The following PDE12 variants were observed in gnomAD, a reference collection of about 807,000 sequenced individuals.
The protein encoded by PDE12 is phosphodiesterase 12.
In PDE12, 26 loss-of-function variants were observed where a neutral mutation model predicts 45.4. The ratio of observed to expected loss-of-function variants is 0.57; its 90% CI spans 0.42 to 0.79. The LOEUF (loss-of-function observed/expected upper bound fraction) is 0.79. Among genes scored for constraint, PDE12 ranks in the 30% least tolerant of loss-of-function variants. PDE12 has a pLI of 0.00. For synonymous variants in PDE12, 283 were observed against 323.9 expected (o/e 0.87, Z 1.36); for missense variants, 668 against 790.0 (o/e 0.85, Z 1.85).
chr3:57,644,348 AG>A, the PDE12 span, among the ~76,000 whole-genome samples: 1 of 151,932 alleles, frequency 6.6e-6, no homozygotes, highest in Non-Finnish European at 1.5e-5. Context: ...TCTGTTCCCC[AG>A]GGCTGGAGTC....
the PDE12 span, chr3:57,597,652 T>G: frequency 6.5e-6 from 1 of 154,594 alleles, no homozygotes; most frequent in Non-Finnish European, 1.4e-5. Flanking sequence ...GCTTCGTCAC[T>G]GCCAAATCAG....
the PDE12 span, among the ~76,000 whole-genome samples, chr3:57,572,563 T>C: frequency 6.6e-6 from 1 of 152,080 alleles, no homozygotes; most frequent in Non-Finnish European, 1.5e-5. Flanking sequence ...TCTACTTTTT[T>C]AGATTAAATT....
the PDE12 span, among the ~76,000 whole-genome samples, chr3:57,636,598 T>C: frequency 2.0e-5 from 3 of 152,180 alleles, no homozygotes; most frequent in South Asian, 4.2e-4. Flanking sequence ...AAGAAAATTA[T>C]TGAGGATTCC....
chr3:57,641,520 C>A, the PDE12 span: 15 of 567,242 alleles, frequency 2.6e-5, no homozygotes, highest in Admixed American at 4.0e-5. Flanking sequence ...GGGAAATTAG[C>A]AGGAAATTAT....
chr3:57,586,772 A>G, the PDE12 span, among the ~76,000 whole-genome samples: 1 of 152,228 alleles, frequency 6.6e-6, no homozygotes, highest in Non-Finnish European at 1.5e-5. Flanking sequence ...TGGCATCTTT[A>G]GTAACAAGAT....
rs1319141241 is a variant in PDE12, at chr3:57,564,180, C to G, written c.*4176C>G. Reference sequence around the variant, plus strand: ...CTGAACTCAAGTGATCTGCCTGCCTCAGCCTCTGAAAGTGCTGGGATTACA... The same window carrying G: ...CTGAACTCAAGTGATCTGCCTGCCTGAGCCTCTGAAAGTGCTGGGATTACA... On this transcript the variant is annotated 3_prime_UTR_variant, in exon 3 of 3. Transcript: ENST00000311180. 6.6e-6 allele frequency: 1 copy of G among 152,122 alleles called. No homozygotes were observed. The highest frequency in any genetic ancestry group is 2.4e-5 in the African/African-American group (1 of 41,420). 9.4% of individuals were successfully genotyped at this position (152,122 alleles called of 1,614,324 possible). A position where few individuals can be genotyped will look rare whatever the true frequency, so the allele number is the denominator to read the frequency against.
At chr3:57,576,447 G>A in the PDE12 span, among the ~76,000 whole-genome samples, 1 of 148,290 alleles carries the variant, frequency 6.7e-6, no homozygotes. Flanking sequence ...AAAAGCCATT[G>A]ATATGCACAT....
chr3:57,646,151 T>G, the PDE12 span, among the ~76,000 whole-genome samples: 1 of 152,198 alleles, frequency 6.6e-6, no homozygotes, highest in Non-Finnish European at 1.5e-5. Context: ...ATCCATAAAA[T>G]GGTGCTATAA....
downstream of PDE12, among the ~76,000 whole-genome samples, chr3:57,570,100 AAGG>A (rs1199615626): frequency 9.2e-5 from 14 of 152,274 alleles, no homozygotes; most frequent in African/African-American, 2.9e-4. Context: ...GGAAGGAAGA[AAGG>A]AGAATTCATC....
the PDE12 span, chr3:57,654,804 T>C: frequency 9.2e-6 from 9 of 983,258 alleles, no homozygotes; most frequent in Non-Finnish European, 9.7e-6. Flanking sequence ...GTCTCTTTAC[T>C]TTGCTTTCAA....
the PDE12 span, among the ~76,000 whole-genome samples, chr3:57,654,114 AT>A: frequency 2.4e-3 from 339 of 139,534 alleles, no homozygotes; most frequent in Admixed American, 2.4e-3. Context: ...CGCCCGGCTA[AT>A]TTTTTTTTTT....
At chr3:57,653,867 C>G in the PDE12 span, among the ~76,000 whole-genome samples, 2 of 147,648 alleles carry the variant, frequency 1.4e-5, no homozygotes, top group Non-Finnish European at 3.0e-5. Flanking sequence ...TATTCCCATT[C>G]TGGCGTATCA....
chr3:57,639,757 C>G, the PDE12 span, among the ~76,000 whole-genome samples: 1 of 151,720 alleles, frequency 6.6e-6, no homozygotes, highest in Non-Finnish European at 1.5e-5. Context: ...TTCTGATTGC[C>G]AAGATGAAGC....
At chr3:57,596,818 T>G in the PDE12 span, 1 of 488,194 alleles carries the variant, frequency 2.0e-6, no homozygotes, top group Non-Finnish European at 3.7e-6. Context: ...TTCAATAAGA[T>G]CAAGGAGAAA....
At chr3:57,568,068 CAAAAA>C (rs11360766), downstream of PDE12, among the ~76,000 whole-genome samples, 2 of 47,536 alleles carry the variant, frequency 4.2e-5, no homozygotes, top group African/African-American at 2.0e-4. Context: ...GACTCCATCT[CAAAAA>C]AAAAAAAAAA....
At chr3:57,559,527 A>G (rs747815525) in intron 2 of PDE12, 35 bp from the exon 3 acceptor site, 1 of 1,571,130 alleles carries the variant, frequency 6.4e-7, no homozygotes, top group East Asian at 2.2e-5. Context: ...GACAACTTTA[A>G]AAAATACTTA....
At chr3:57,587,924 G>C in the PDE12 span, among the ~76,000 whole-genome samples, 1 of 151,990 alleles carries the variant, frequency 6.6e-6, no homozygotes, top group Non-Finnish European at 1.5e-5. Flanking sequence ...TTTTGAAAAA[G>C]GTATTTATAA....
the PDE12 span, chr3:57,627,782 G>A: frequency 2.5e-3 from 402 of 161,828 alleles, 1 homozygote; most frequent in African/African-American, 9.2e-3. Context: ...TCTAACCATA[G>A]GACAGTTCAG....
the PDE12 span, among the ~76,000 whole-genome samples, chr3:57,577,797 C>T: frequency 1.3e-5 from 2 of 152,188 alleles, no homozygotes; most frequent in Middle Eastern, 6.8e-3. Flanking sequence ...AATCCCAGCA[C>T]TTTGGGAGGC....
Sources: allele counts gnomAD v4.1 joint callset (sites outside exome capture counted in the v4.1 genomes callset), GRCh38; gene constraint gnomAD v4.1.1; transcripts MANE v1.5; gene names NCBI Gene and HGNC (gene_info 2026-07-23, HGNC 2026-07-21).